Variants in MTHFD1L observed in about 807,000 individuals in gnomAD.
MTHFD1L encodes the protein monofunctional C1-tetrahydrofolate synthase, mitochondrial.
In MTHFD1L, 81 loss-of-function variants were observed where a neutral mutation model predicts 119.5. The observed-to-expected ratio is 0.68, with a 90% CI of 0.57 to 0.82. The LOEUF (loss-of-function observed/expected upper bound fraction) is 0.82. Ranked by LOEUF, MTHFD1L falls within the 40% of genes least tolerant of loss-of-function variation. MTHFD1L has a pLI of 0.00. For synonymous variants in MTHFD1L, 430 were observed against 475.2 expected (o/e 0.90, Z 1.24); for missense variants, 1,125 against 1,253.4 (o/e 0.90, Z 1.55).
chr6:150,966,592 G>A (rs577882746), intron 19 of MTHFD1L, among the ~76,000 whole-genome samples: 103 of 152,322 alleles, frequency 6.8e-4, no homozygotes, highest in Admixed American at 1.1e-3. Context: ...GGAGGCCAAG[G>A]CGGGCAGATC....
intron 24 of MTHFD1L, among the ~76,000 whole-genome samples, chr6:151,033,568 G>T (rs1407991124): frequency 6.6e-6 from 1 of 152,132 alleles, no homozygotes; most frequent in Non-Finnish European, 1.5e-5. Context: ...TCAATAGTCT[G>T]TGTCCTGGTT....
chr6:150,871,127 T>A (rs1779409143), intron 1 of MTHFD1L, among the ~76,000 whole-genome samples: 1 of 143,426 alleles, frequency 7.0e-6, no homozygotes, highest in South Asian at 2.1e-4. Context: ...TTAATATATA[T>A]CTTAATATAT....
At chr6:151,044,137 A>G (rs1172045279) in intron 26 of MTHFD1L, among the ~76,000 whole-genome samples, 2 of 151,944 alleles carry the variant, frequency 1.3e-5, no homozygotes, top group African/African-American at 2.4e-5. Context: ...CAATCGGAGG[A>G]AAGGGATACA....
chr6:150,877,822 C>T lies in MTHFD1L; in HGVS notation c.413C>T (p.Ala138Val). 6.2e-7 allele frequency: 1 copy of T among 1,614,236 alleles called. No homozygotes were observed. The highest frequency in any genetic ancestry group is 8.5e-7 in the Non-Finnish European group (1 of 1,180,040). The change falls in exon 4 of 28, where the codon GCC (alanine) becomes GTC (valine). Residue 138 changes from alanine (A) to valine (V), a missense_variant. Coordinates refer to ENST00000367321, the MANE Select transcript of MTHFD1L (RefSeq NM_015440.5). ...HICLPPDSSE[A>V]EIIDEILKIN... Reference sequence around the variant, plus strand: ...TGCCTCCCTCCAGATAGCAGTGAAGCCGAGGTAATAATGGCAGAGCTCTAA... The same window carrying T: ...TGCCTCCCTCCAGATAGCAGTGAAGTCGAGGTAATAATGGCAGAGCTCTAA...
intron 20 of MTHFD1L, among the ~76,000 whole-genome samples, chr6:150,988,137 T>C (rs1028843925): frequency 6.6e-6 from 1 of 152,232 alleles, no homozygotes; most frequent in Non-Finnish European, 1.5e-5. Flanking sequence ...AACATTGTCA[T>C]GCAGAGATTA....
intron 26 of MTHFD1L, among the ~76,000 whole-genome samples, chr6:151,085,266 G>A (rs1455474164): frequency 6.6e-6 from 1 of 151,906 alleles, no homozygotes; most frequent in Non-Finnish European, 1.5e-5. Flanking sequence ...AAACTTTATA[G>A]TCTTCTTTAC....
intron 17 of MTHFD1L, among the ~76,000 whole-genome samples, chr6:150,957,797 G>A (rs756313621): frequency 4.6e-5 from 7 of 151,994 alleles, no homozygotes; most frequent in Admixed American, 1.3e-4. Context: ...ACCTGTTTAT[G>A]TTAAGAAAAA....
intron 26 of MTHFD1L, among the ~76,000 whole-genome samples, chr6:151,056,905 G>A (rs1330699736): frequency 2.6e-5 from 4 of 152,220 alleles, no homozygotes; most frequent in African/African-American, 9.6e-5. Flanking sequence ...GTGGGTTCCA[G>A]TTGTGGAATG....
At position 150,877,607 on chromosome 6, in the gene MTHFD1L, T is replaced by C. The variant is rs150385814; in HGVS notation, c.313-27T>C. The C allele has an allele frequency of 1.7e-4, 281 of 1,612,896 alleles. 2 individuals are homozygous for C. In the East Asian group the frequency reaches 5.6e-3, roughly 32 times the overall value. Reference sequence around the variant, plus strand: ...TGTGCCTTTTCAAGCTATTTTTATGTTGTTATGTTGTTTTTACCTTCCTAA... The same window carrying C: ...TGTGCCTTTTCAAGCTATTTTTATGCTGTTATGTTGTTTTTACCTTCCTAA... On this transcript the variant is annotated intron_variant, in intron 2 of 27. Coordinates refer to ENST00000367321, the MANE Select transcript of MTHFD1L (RefSeq NM_015440.5).
At chr6:151,083,192 G>C (rs1241688251) in intron 26 of MTHFD1L, among the ~76,000 whole-genome samples, 2 of 136,908 alleles carry the variant, frequency 1.5e-5, no homozygotes. Context: ...AGAATGAAAT[G>C]CAATTTTTTT....
In MTHFD1L at chr6:151,059,077, G is replaced by A. The variant is rs554891343; in HGVS notation, c.2847+21960G>A. Among the ~76,000 whole-genome samples, 9 of 152,296 alleles carry A rather than the reference G, an allele frequency of 5.9e-5. No individual in the cohort carries two copies. The South Asian group carries it at 1.9e-3, about 32-fold the overall frequency. On this transcript the variant is annotated intron_variant, in intron 26 of 27. Coordinates refer to ENST00000367321, the MANE Select transcript of MTHFD1L (RefSeq NM_015440.5). The stretch of plus-strand genomic sequence containing the variant: ...CAGTGGTAAGCGCGCTGAAGGAGTC[G>A]GGCTCTCTGGGCCCAAAGTCCTGCC...
intron 15 of MTHFD1L, among the ~76,000 whole-genome samples, chr6:150,947,574 A>T (rs1198527047): frequency 1.3e-5 from 2 of 151,818 alleles, no homozygotes; most frequent in East Asian, 3.9e-4. Flanking sequence ...CTCTACAAAA[A>T]ATTTAAAAAT....
At chr6:151,071,979 AT>A (rs1283859172) in intron 26 of MTHFD1L, among the ~76,000 whole-genome samples, 1 of 150,576 alleles carries the variant, frequency 6.6e-6, no homozygotes, top group East Asian at 2.0e-4. Flanking sequence ...AGTAGCTGGG[AT>A]TCCAGGCACC....
At chr6:151,099,346 G>A (rs1584471515) in intron 27 of MTHFD1L, among the ~76,000 whole-genome samples, 1 of 151,898 alleles carries the variant, frequency 6.6e-6, no homozygotes, top group African/African-American at 2.4e-5. Flanking sequence ...AGTCCACTGA[G>A]CCCACCCTCT....
intron 20 of MTHFD1L, among the ~76,000 whole-genome samples, chr6:150,995,026 A>G (rs1272380688): frequency 6.6e-6 from 1 of 152,182 alleles, no homozygotes; most frequent in African/African-American, 2.4e-5. Flanking sequence ...ATTTTCCTGT[A>G]TAATACAACT....
intron 1 of MTHFD1L, among the ~76,000 whole-genome samples, chr6:150,868,528 G>A (rs1037366522): frequency 3.3e-5 from 5 of 151,644 alleles, no homozygotes; most frequent in Admixed American, 6.6e-5. Context: ...TAGTAGAGAC[G>A]GGGTTTCACC....
rs116377562 is a variant in MTHFD1L at position 150,904,032 on chromosome 6, C to A, written c.781-1618C>A. ...TGATCTTGGCTTTTCTGTTCATAAA[C>A]CAGGTAGGACTGTCATGGGTTTGCT... On this transcript the variant is annotated intron_variant, in intron 7 of 27. Transcript: ENST00000367321. 6.6e-4 allele frequency among the ~76,000 whole-genome samples: 100 copies of A among 152,266 alleles called. 1 individual carries two copies. The highest frequency in any genetic ancestry group is 2.1e-3 in the African/African-American group (87 of 41,550).
chr6:151,084,143 T>A (rs77394444), intron 26 of MTHFD1L, among the ~76,000 whole-genome samples: 4,978 of 152,262 alleles, frequency 0.033, 167 homozygotes, highest in Admixed American at 0.11. Context: ...AGTGTCACTG[T>A]TGGAGTTGCC....
chr6:151,075,848 G>A (rs1392702510), intron 26 of MTHFD1L, among the ~76,000 whole-genome samples: 1 of 152,154 alleles, frequency 6.6e-6, no homozygotes, highest in Non-Finnish European at 1.5e-5. Flanking sequence ...GCTACAGAGT[G>A]GGAGAAAATA....
Sources: gnomAD v4.1 joint callset for allele counts (sites outside exome capture counted in the v4.1 genomes callset) on GRCh38, gnomAD v4.1.1 for gene constraint, MANE v1.5 for transcripts, NCBI Gene and HGNC (gene_info 2026-07-23, HGNC 2026-07-21) for gene names.